Variants in NDUFAB1 observed in about 807,000 individuals in gnomAD.
NDUFAB1 encodes the protein acyl carrier protein, mitochondrial.
Under a neutral mutation model 16.1 loss-of-function variants are expected in NDUFAB1, and 5 were observed. That is an observed-to-expected ratio of 0.31 (90% CI 0.16 to 0.65). The LOEUF is 0.65. Among genes scored for constraint, NDUFAB1 ranks in the 30% least tolerant of loss-of-function variants. The pLI, the probability that NDUFAB1 is intolerant of heterozygous loss-of-function variation, is 0.77. For missense variants in NDUFAB1, 187 were observed against 205.3 expected (o/e 0.91, Z 0.54); for synonymous variants, 85 against 78.4 (o/e 1.08, Z -0.44).
chr16:23,590,638 C>CTTTTTTTTT (rs398042088), intron 1 of NDUFAB1, among the ~76,000 whole-genome samples: 4,677 of 131,324 alleles, frequency 0.036, 302 homozygotes, highest in African/African-American at 0.12. Flanking sequence ...CCTCTGGTCT[C>CTTTTTTTTT]TTTTTTTTTT....
intron 1 of NDUFAB1, among the ~76,000 whole-genome samples, chr16:23,594,513 C>G (rs1368553468): frequency 6.6e-6 from 1 of 150,746 alleles, no homozygotes; most frequent in Non-Finnish European, 1.5e-5. Flanking sequence ...CCACCACGCC[C>G]GGATAATTTT....
chr16:23,595,757 A>G (rs1459659345), intron 1 of NDUFAB1: 1 of 465,434 alleles, frequency 2.1e-6, no homozygotes, highest in African/African-American at 2.0e-5. Context: ...CGCTATTTTG[A>G]GACCGTACGA....
chr16:23,589,278 CAG>C (rs765699643), intron 1 of NDUFAB1, among the ~76,000 whole-genome samples: 2 of 144,504 alleles, frequency 1.4e-5, no homozygotes, highest in South Asian at 4.4e-4. Flanking sequence ...GCATGGGTGA[CAG>C]AGTGAGATTC....
At chr16:23,595,404 T>C (rs1195410933) in intron 1 of NDUFAB1, 3 of 370,158 alleles carry the variant, frequency 8.1e-6, no homozygotes, top group Non-Finnish European at 1.6e-5. Flanking sequence ...GACCCCCGAC[T>C]ATACCCAAAT....
rs541325215 is a variant in NDUFAB1 at position 23,584,288 on chromosome 16, C to G, written c.379+1048G>C. On this transcript the variant is annotated intron_variant, in intron 3 of 4. Transcript: ENST00000007516. ...AAAAAAAAAAAAGAAACCCAGTGCC[C>G]GTCAGCAGTCACTCCCCATCCTCCC... is the stretch of plus-strand genomic sequence containing the variant. Among the ~76,000 whole-genome samples, 13 of 100,022 alleles carry G rather than the reference C, an allele frequency of 1.3e-4. No individual in the cohort carries two copies. In the East Asian group the frequency reaches 3.7e-3, roughly 28 times the overall value. The allele number at this position is 100,022 out of a possible 152,430, so 65.6% of individuals were successfully genotyped here.
intron 3 of NDUFAB1, among the ~76,000 whole-genome samples, chr16:23,582,844 C>G (rs1213346067): frequency 2.6e-5 from 4 of 151,126 alleles, no homozygotes; most frequent in African/African-American, 9.8e-5. Context: ...CCCTCTCTTT[C>G]CATGGTCTCC....
intron 1 of NDUFAB1, among the ~76,000 whole-genome samples, chr16:23,589,942 GAAAAA>G (rs57098255): frequency 1.9e-3 from 131 of 70,506 alleles, no homozygotes; most frequent in East Asian, 7.6e-3. Context: ...TCTCCAAAAA[GAAAAA>G]AAAAAAAAAA....
At chr16:23,593,423 G>A (rs906109478) in intron 1 of NDUFAB1, among the ~76,000 whole-genome samples, 1 of 152,232 alleles carries the variant, frequency 6.6e-6, no homozygotes, top group Non-Finnish European at 1.5e-5. Flanking sequence ...GTAAGCTAAT[G>A]TCTTCCTTTT....
rs531885514 is a variant in NDUFAB1, at chr16:23,588,645, C to A, written c.169-1326G>T. Among the ~76,000 whole-genome samples the A allele has an allele frequency of 1.1e-4, 16 of 152,236 alleles. No individual in the cohort carries two copies. The South Asian group carries it at 3.3e-3, about 32-fold the overall frequency. The stretch of plus-strand genomic sequence containing the variant: ...AATAAATACTGCCCAGAGAACCAAA[C>A]CAGTATAACCTCTGTAGAAGAAACA... On this transcript the variant is annotated intron_variant, in intron 1 of 4. Transcript: ENST00000007516.
In NDUFAB1 at chr16:23,596,213, C is replaced by T. The variant is rs1966325115; in HGVS notation, c.78G>A (p.Leu26=). ...CGGTGCTGAGAGGCCGGGCCACGGC[C>T]AGCATCCGGACCCGGGGCAGCGGCG... is the stretch of plus-strand genomic sequence containing the variant. ...AFAPLPRVRM[L]AVARPLSTAL... is the part of the protein sequence containing the mutation. The change falls in exon 1 of 5, where the codon CTG becomes CTA. Residue 26 remains leucine, a synonymous_variant. Coordinates refer to ENST00000007516, the MANE Select transcript of NDUFAB1 (RefSeq NM_005003.3). The T allele has an allele frequency of 6.2e-7, 1 of 1,609,740 alleles. No individual in the cohort carries two copies. Among genetic ancestry groups the T allele is most frequent in the African/African-American group, 1.3e-5 (1 of 74,544 alleles).
chr16:23,595,481 A>C (rs1429122580), intron 1 of NDUFAB1: 11 of 431,860 alleles, frequency 2.5e-5, no homozygotes, highest in Non-Finnish European at 2.8e-5. Flanking sequence ...TGCCCTCCTT[A>C]TACGCGGGGC....
chr16:23,582,664 C>CACA (rs3071337), intron 3 of NDUFAB1, among the ~76,000 whole-genome samples: 43,757 of 149,366 alleles, frequency 0.29, 8,040 homozygotes, highest in African/African-American at 0.5. Context: ...TTAGTATATT[C>CACA]ACATTGTGCA....
intron 1 of NDUFAB1, chr16:23,590,760 C>T (rs1432787162): frequency 1.3e-5 from 2 of 151,990 alleles, no homozygotes; most frequent in Non-Finnish European, 2.9e-5. Context: ...CCTCTGCCTC[C>T]CAAGTAGCTG....
At chr16:23,595,723 C>T in intron 1 of NDUFAB1, 2 of 460,834 alleles carry the variant, frequency 4.3e-6, no homozygotes, top group Non-Finnish European at 4.2e-6. Flanking sequence ...TCTTTGCATG[C>T]TGCTTTCACT....
intron 3 of NDUFAB1, among the ~76,000 whole-genome samples, chr16:23,584,249 AT>A (rs1434270747): frequency 8.4e-4 from 68 of 81,250 alleles, no homozygotes; most frequent in African/African-American, 1.2e-3. Flanking sequence ...CCCAAGAATG[AT>A]CAATTAAAAA....
intron 4 of NDUFAB1, 170 bp downstream of exon 4, chr16:23,582,103 TCAC>T (rs1204703517): frequency 3.1e-6 from 2 of 652,720 alleles, no homozygotes; most frequent in East Asian, 3.6e-5. Flanking sequence ...CTCTCAAAGA[TCAC>T]CACCAGGGCT....
chr16:23,583,204 A>G (rs961695627), intron 3 of NDUFAB1, among the ~76,000 whole-genome samples: 2 of 152,118 alleles, frequency 1.3e-5, no homozygotes, highest in East Asian at 3.9e-4. Context: ...TGGCCTCCCA[A>G]AGTGCCGAGA....
At chr16:23,588,222 C>T (rs1385434517) in intron 1 of NDUFAB1, among the ~76,000 whole-genome samples, 1 of 152,032 alleles carries the variant, frequency 6.6e-6, no homozygotes, top group Non-Finnish European at 1.5e-5. Context: ...TGGGAGGCCA[C>T]GGTGAGCAGA....
chr16:23,593,372 A>T (rs1966295693), intron 1 of NDUFAB1, among the ~76,000 whole-genome samples: 1 of 152,250 alleles, frequency 6.6e-6, no homozygotes, highest in Non-Finnish European at 1.5e-5. Flanking sequence ...AGAAGGAGCC[A>T]GCAAGTTGGA....
Sources: gnomAD v4.1 joint callset for allele counts (sites outside exome capture counted in the v4.1 genomes callset) on GRCh38, gnomAD v4.1.1 for gene constraint, MANE v1.5 for transcripts, NCBI Gene and HGNC (gene_info 2026-07-23, HGNC 2026-07-21) for gene names.